The following ATG7 variants were observed in gnomAD, a reference collection of about 807,000 sequenced individuals.
The protein encoded by ATG7 is ubiquitin-like modifier-activating enzyme ATG7.
ATG7 carries 70 observed loss-of-function variants against 82.4 expected under a neutral mutation model. The observed-to-expected ratio is 0.85, with a 90% CI of 0.70 to 1.04. The LOEUF is 1.04. Among genes scored for constraint, ATG7 ranks in the 50% least tolerant of loss-of-function variants. The probability of loss-of-function intolerance (pLI) is 0.00; values close to 1 mark genes in which losing one functional copy is unlikely to be tolerated. For missense variants in ATG7, 792 were observed against 864.3 expected, an observed-to-expected ratio of 0.92 and a Z score of 1.05; for synonymous variants, 287 against 313.0, an observed-to-expected ratio of 0.92 and a Z score of 0.88.
At position 11,492,143 on chromosome 3, in the gene ATG7, G is replaced by T. The variant is rs139671541; in HGVS notation, c.2080-62668G>T. Among the ~76,000 whole-genome samples, 7 of 152,330 alleles carry T rather than the reference G, an allele frequency of 4.6e-5. No homozygotes were observed. In the East Asian group the frequency reaches 7.7e-4, roughly 17 times the overall value. On this transcript the variant is annotated intron_variant, in intron 20 of 20. Transcript: ENST00000693202. ...CGTGGTCATAGGACCCTCCGAGCCA[G>T]GTGTGGAATACAATCTCCTGGTGCG...
chr3:11,351,454 T>C (rs1005727030), intron 14 of ATG7, among the ~76,000 whole-genome samples: 2 of 152,168 alleles, frequency 1.3e-5, no homozygotes, highest in Non-Finnish European at 2.9e-5. Flanking sequence ...GTGGTACTTT[T>C]GTGGAACTGA....
chr3:11,513,318 C>T (rs1243737277), intron 20 of ATG7, among the ~76,000 whole-genome samples: 5 of 152,164 alleles, frequency 3.3e-5, no homozygotes, highest in African/African-American at 9.7e-5. Flanking sequence ...TGGGGAGGCT[C>T]GGGCTGCACA....
At chr3:11,543,286 G>C (rs2070989323) in intron 20 of ATG7, among the ~76,000 whole-genome samples, 1 of 152,226 alleles carries the variant, frequency 6.6e-6, no homozygotes, top group South Asian at 2.1e-4. Context: ...TGGGTGTCAT[G>C]GGGCAGTGCA....
chr3:11,350,077 A>G (rs574618086), intron 14 of ATG7, among the ~76,000 whole-genome samples: 5 of 152,322 alleles, frequency 3.3e-5, no homozygotes, highest in Non-Finnish European at 7.3e-5. Context: ...AACAAAACAA[A>G]CAAAAAAACC....
chr3:11,293,669 G>A (rs1420316769), intron 3 of ATG7, among the ~76,000 whole-genome samples: 2 of 151,374 alleles, frequency 1.3e-5, no homozygotes, highest in African/African-American at 4.9e-5. Context: ...CCAATGTAGC[G>A]AAACCTGTCT....
downstream of ATG7, chr3:11,559,524 C>G (rs537824826): frequency 1.4e-6 from 2 of 1,463,630 alleles, no homozygotes; most frequent in African/African-American, 1.4e-5. Context: ...TGGGGCCCTC[C>G]CCAGCACCCT....
At chr3:11,541,698 C>G (rs1449649635) in intron 20 of ATG7, among the ~76,000 whole-genome samples, 1 of 152,204 alleles carries the variant, frequency 6.6e-6, no homozygotes, top group Non-Finnish European at 1.5e-5. Flanking sequence ...TCTGAGCTCT[C>G]CAGTTTTCCT....
rs777418359 is a variant in ATG7 at position 11,342,176 on chromosome 3, G to T, written c.1022G>T (p.Cys341Phe). The T allele has an allele frequency of 6.2e-7, 1 of 1,613,408 alleles. No individual in the cohort carries two copies. The highest frequency in any genetic ancestry group is 8.5e-7 in the Non-Finnish European group (1 of 1,179,990). ...SSVDLNLKLM[C>F]WRLVPTLDLD... is the part of the protein sequence containing the mutation. ...GTGGATCTAAATCTCAAACTGATGTGTTGGAGATTGGTTCCTACTTTAGAC... is the reference window on the plus strand; with the variant it reads ...GTGGATCTAAATCTCAAACTGATGTTTTGGAGATTGGTTCCTACTTTAGAC... The change falls in exon 13 of 21, where the codon TGT becomes TTT. Residue 341 changes from cysteine to phenylalanine, a missense_variant. Transcript: ENST00000693202.
intron 19 of ATG7, among the ~76,000 whole-genome samples, chr3:11,423,355 A>T (rs961797206): frequency 1.3e-5 from 2 of 152,194 alleles, no homozygotes; most frequent in East Asian, 3.9e-4. Flanking sequence ...TAATAATGAA[A>T]AAGTTTGAAA....
At chr3:11,384,854 G>GA (rs1460802724) in intron 19 of ATG7, among the ~76,000 whole-genome samples, 1 of 151,946 alleles carries the variant, frequency 6.6e-6, no homozygotes, top group African/African-American at 2.4e-5. Flanking sequence ...CCAGCTACTT[G>GA]GGGGGCTGAG....
At chr3:11,278,992 C>T (rs1484545338) in intron 1 of ATG7, among the ~76,000 whole-genome samples, 1 of 152,138 alleles carries the variant, frequency 6.6e-6, no homozygotes, top group Non-Finnish European at 1.5e-5. Flanking sequence ...AAATTCTAAG[C>T]TTATGCAGAG....
rs2089787076 is a variant in ATG7 at position 11,487,242 on chromosome 3, A to C, written c.2079+60316A>C. Among the ~76,000 whole-genome samples, 4 of 116,090 alleles carry C rather than the reference A, an allele frequency of 3.4e-5. No individual in the cohort carries two copies. In the South Asian group the frequency reaches 1.3e-3, roughly 37 times the overall value. 76.2% of individuals were successfully genotyped at this position (116,090 alleles called of 152,430 possible). ...GTCTCCCATGTCTACTTCTTTCTAC[A>C]CAGACACGGCAACCATCCGATTTCT... On this transcript the variant is annotated intron_variant, in intron 20 of 20. Transcript: ENST00000693202.
At chr3:11,411,983 T>TTA (rs1179075971) in intron 19 of ATG7, among the ~76,000 whole-genome samples, 1 of 151,838 alleles carries the variant, frequency 6.6e-6, no homozygotes, top group Non-Finnish European at 1.5e-5. Flanking sequence ...TGTCCTTTTT[T>TTA]TTTTTACTGA....
chr3:11,432,606 T>C (rs980503354), intron 20 of ATG7, among the ~76,000 whole-genome samples: 10 of 152,034 alleles, frequency 6.6e-5, no homozygotes, highest in African/African-American at 1.7e-4. Flanking sequence ...AAAGAACTTA[T>C]CTACATAACC....
intron 1 of ATG7, among the ~76,000 whole-genome samples, chr3:11,274,738 A>T (rs1341447196): frequency 6.6e-6 from 1 of 152,150 alleles, no homozygotes; most frequent in Non-Finnish European, 1.5e-5. Context: ...TCTAAGCTTC[A>T]GTTTCCTCAT....
chr3:11,528,078 C>T (rs918746511), intron 20 of ATG7, among the ~76,000 whole-genome samples: 2 of 152,176 alleles, frequency 1.3e-5, no homozygotes, highest in African/African-American at 4.8e-5. Context: ...CTTCTGTTGC[C>T]TTCTCATGTT....
intron 20 of ATG7, among the ~76,000 whole-genome samples, chr3:11,450,881 A>G (rs1469043610): frequency 6.6e-6 from 1 of 152,162 alleles, no homozygotes; most frequent in Non-Finnish European, 1.5e-5. Context: ...GTCTCTTCCA[A>G]TGAATGCCTT....
chr3:11,489,955 T>C (rs201462812), intron 20 of ATG7, among the ~76,000 whole-genome samples: 31,902 of 151,744 alleles, frequency 0.21, 3,788 homozygotes, highest in South Asian at 0.35. Context: ...TATATTCTAT[T>C]GATTTGGGGT....
intron 19 of ATG7, among the ~76,000 whole-genome samples, chr3:11,402,980 G>A (rs945513040): frequency 6.6e-6 from 1 of 152,066 alleles, no homozygotes; most frequent in Admixed American, 6.5e-5. Flanking sequence ...TTAAAACCAG[G>A]AATCTATTCT....
Sources: allele counts gnomAD v4.1 joint callset (sites outside exome capture counted in the v4.1 genomes callset), GRCh38; gene constraint gnomAD v4.1.1; transcripts MANE v1.5; gene names NCBI Gene and HGNC (gene_info 2026-07-23, HGNC 2026-07-21).